COL23A1: variants seen among roughly 807,000 people sequenced by gnomAD.
COL23A1 encodes the protein collagen type XXIII alpha 1 chain, also known as collagen alpha-1(XXIII) chain.
COL23A1 carries 97 observed loss-of-function variants against 99.3 expected under a neutral mutation model. The ratio of observed to expected loss-of-function variants is 0.98; its 90% CI spans 0.83 to 1.16. The LOEUF is 1.16. COL23A1 is among the 50% of genes most tolerant of loss of function. COL23A1 has a pLI of 0.00. For synonymous variants in COL23A1, 320 were observed against 308.2 expected, an observed-to-expected ratio of 1.04 and a Z score of -0.40; for missense variants, 762 against 757.4, an observed-to-expected ratio of 1.01 and a Z score of -0.07.
At chr5:178,290,049 G>C (rs954041743) in intron 4 of COL23A1, among the ~76,000 whole-genome samples, 1 of 151,988 alleles carries the variant, frequency 6.6e-6, no homozygotes, top group Non-Finnish European at 1.5e-5. Context: ...TTCGTGCCTC[G>C]ATTTCCTGAG....
At chr5:178,455,429 G>A (rs946049565) in intron 2 of COL23A1, among the ~76,000 whole-genome samples, 6 of 152,134 alleles carry the variant, frequency 3.9e-5, no homozygotes, top group Admixed American at 2.0e-4. Flanking sequence ...CTGCAGCCAG[G>A]GCAAGTCACT....
Position 178,246,923 on chromosome 5 carries a change from C to T in COL23A1, c.1297-470G>A, listed in dbSNP as rs549496945. Among the ~76,000 whole-genome samples, 9 of 152,304 alleles carry T rather than the reference C, an allele frequency of 5.9e-5. No individual in the cohort carries two copies. In the South Asian group the frequency reaches 1.2e-3, roughly 21 times the overall value. ...CTGCAGGCTCGGGCCTGGGCTTCCACGATTCTCAGTCCCACATCTGGCCTC... is the reference window on the plus strand; with the variant it reads ...CTGCAGGCTCGGGCCTGGGCTTCCATGATTCTCAGTCCCACATCTGGCCTC... On this transcript the variant is annotated intron_variant, in intron 22 of 28. Transcript: ENST00000390654.
chr5:178,479,527 G>A (rs968996778), intron 2 of COL23A1, among the ~76,000 whole-genome samples: 5 of 152,206 alleles, frequency 3.3e-5, no homozygotes, highest in African/African-American at 4.8e-5. Context: ...AAGACACATG[G>A]CTCCTTCAGA....
intron 2 of COL23A1, among the ~76,000 whole-genome samples, chr5:178,511,211 C>A (rs895200242): frequency 2.6e-5 from 4 of 152,114 alleles, no homozygotes; most frequent in Non-Finnish European, 5.9e-5. Context: ...CAAAGATCAC[C>A]GTGGGACATT....
At chr5:178,385,545 C>T (rs1398749421) in intron 2 of COL23A1, among the ~76,000 whole-genome samples, 4 of 152,214 alleles carry the variant, frequency 2.6e-5, no homozygotes, top group East Asian at 3.9e-4. Context: ...TGCTGGGCAC[C>T]GAGCCGGGGT....
intron 3 of COL23A1, among the ~76,000 whole-genome samples, chr5:178,301,000 T>G (rs1758003222): frequency 6.8e-6 from 1 of 147,698 alleles, no homozygotes; most frequent in Non-Finnish European, 1.5e-5. Flanking sequence ...TGAGAAGATT[T>G]GGCCATTTTT....
rs553980110 is a variant in COL23A1 at position 178,383,408 on chromosome 5, G to C, written c.362-76489C>G. ...AGGACAAGTCCCCTTAAGGGGTCAA[G>C]GGTGGCTCCCTTGGTCCAGCTTGTT... On this transcript the variant is annotated intron_variant, in intron 2 of 28. Transcript: ENST00000390654. 4.1e-4 allele frequency among the ~76,000 whole-genome samples: 63 copies of C among 152,346 alleles called. No individual in the cohort carries two copies. In the South Asian group the frequency reaches 0.013, roughly 31 times the overall value.
rs71577021 is a variant in COL23A1, at chr5:178,517,873, C to CT, written c.361+42808dup. Among the ~76,000 whole-genome samples the CT allele has an allele frequency of 8.9e-3, 865 of 97,622 alleles. 11 individuals are homozygous for CT. The highest frequency in any genetic ancestry group is 0.013 in the African/African-American group (276 of 20,560). The allele number at this position is 97,622 out of a possible 152,430, so 64.0% of individuals were successfully genotyped here. A position where few individuals can be genotyped will look rare whatever the true frequency, so the allele number is the denominator to read the frequency against. On this transcript the variant is annotated intron_variant, in intron 2 of 28. Coordinates refer to ENST00000390654, the MANE Select transcript of COL23A1 (RefSeq NM_173465.4). ...CCGTGCCTGGCCAGCAACAGCGGTTCTTTTTTTTTTTTTTTTTTTTTTTTT... is the reference window on the plus strand; with the variant it reads ...CCGTGCCTGGCCAGCAACAGCGGTTCTTTTTTTTTTTTTTTTTTTTTTTTTT...
intron 1 of COL23A1, among the ~76,000 whole-genome samples, chr5:178,570,805 C>T (rs1156849594): frequency 1.3e-5 from 2 of 152,114 alleles, no homozygotes; most frequent in Non-Finnish European, 2.9e-5. Context: ...AGACATGGAG[C>T]TGAGAGCCAA....
At chr5:178,272,750 A>AC (rs991794213) in intron 5 of COL23A1, among the ~76,000 whole-genome samples, 18 of 146,328 alleles carry the variant, frequency 1.2e-4, no homozygotes, top group Admixed American at 6.7e-4. Context: ...TTGTCCCCCT[A>AC]CCCCCCGACC....
intron 2 of COL23A1, among the ~76,000 whole-genome samples, chr5:178,427,633 A>C (rs1468198229): frequency 2.0e-5 from 3 of 152,234 alleles, no homozygotes; most frequent in African/African-American, 7.2e-5. Flanking sequence ...AATGCTGACA[A>C]GAAATGAGCT....
At chr5:178,426,674 G>T (rs1470516167) in intron 2 of COL23A1, among the ~76,000 whole-genome samples, 2 of 152,206 alleles carry the variant, frequency 1.3e-5, no homozygotes, top group African/African-American at 2.4e-5. Context: ...AGACCGGACT[G>T]TGAGACAAGC....
At chr5:178,239,614 TC>T (rs1431417803) in intron 27 of COL23A1, among the ~76,000 whole-genome samples, 4 of 67,704 alleles carry the variant, frequency 5.9e-5, no homozygotes, top group Admixed American at 1.3e-4. Context: ...CTGGCCTGGG[TC>T]CTGCCGAGAG....
intron 5 of COL23A1, among the ~76,000 whole-genome samples, chr5:178,279,265 C>T (rs1016039698): frequency 1.3e-5 from 2 of 152,218 alleles, no homozygotes; most frequent in Non-Finnish European, 2.9e-5. Context: ...CCTTCTTCAG[C>T]TCCCGCCCCC....
intron 5 of COL23A1, among the ~76,000 whole-genome samples, chr5:178,274,475 CCTT>C (rs1756470505): frequency 6.6e-6 from 1 of 152,118 alleles, no homozygotes; most frequent in African/African-American, 2.4e-5. Context: ...CGAGGGAAGT[CCTT>C]CTGAGGAGAA....
At chr5:178,516,159 G>A (rs747683830) in intron 2 of COL23A1, among the ~76,000 whole-genome samples, 46 of 152,070 alleles carry the variant, frequency 3.0e-4, no homozygotes, top group African/African-American at 4.3e-4. Context: ...CCCTCTTCCC[G>A]TGCTTCAGGG....
At chr5:178,514,517 T>C (rs1759395698) in intron 2 of COL23A1, among the ~76,000 whole-genome samples, 1 of 152,246 alleles carries the variant, frequency 6.6e-6, no homozygotes, top group Non-Finnish European at 1.5e-5. Context: ...CCATTTTGTA[T>C]GTGGAAGCCC....
At chr5:178,404,983 A>G (rs1764678798) in intron 2 of COL23A1, among the ~76,000 whole-genome samples, 1 of 152,208 alleles carries the variant, frequency 6.6e-6, no homozygotes. Context: ...TGTTTTTGCT[A>G]TTGTGGATAA....
At chr5:178,587,970 CG>C (rs1373372729) in intron 1 of COL23A1, among the ~76,000 whole-genome samples, 1 of 152,234 alleles carries the variant, frequency 6.6e-6, no homozygotes, top group Non-Finnish European at 1.5e-5. Flanking sequence ...TCTCCACTGG[CG>C]GGAAAACCCA....
Sources: gnomAD v4.1 joint callset for allele counts (sites outside exome capture counted in the v4.1 genomes callset) on GRCh38, gnomAD v4.1.1 for gene constraint, MANE v1.5 for transcripts, NCBI Gene and HGNC (gene_info 2026-07-23, HGNC 2026-07-21) for gene names.